Variants in MCM3AP observed in about 807,000 individuals in gnomAD.
The protein encoded by MCM3AP is germinal-center associated nuclear protein.
In MCM3AP, 126 loss-of-function variants were observed where a neutral mutation model predicts 184.1. That is an observed-to-expected ratio of 0.68 (90% CI 0.59 to 0.79). The LOEUF is 0.79. Ranked by LOEUF, MCM3AP falls within the 30% of genes least tolerant of loss-of-function variation. MCM3AP has a pLI of 0.00. For missense variants in MCM3AP, 2,496 were observed against 2,479.2 expected (o/e 1.01, Z -0.14); for synonymous variants, 1,002 against 979.3 (o/e 1.02, Z -0.43).
chr21:46,276,216 C>G (rs1019612654), intron 5 of MCM3AP, among the ~76,000 whole-genome samples: 1 of 151,344 alleles, frequency 6.6e-6, no homozygotes, highest in Non-Finnish European at 1.5e-5. Context: ...TGCGCTCACT[C>G]TGTCATGGTA....
intron 2 of MCM3AP, among the ~76,000 whole-genome samples, chr21:46,281,564 G>A (rs868079780): frequency 7.2e-5 from 11 of 152,160 alleles, no homozygotes; most frequent in African/African-American, 1.2e-4. Context: ...GCTCATGCCC[G>A]TTATCCTAGC....
intron 2 of MCM3AP, among the ~76,000 whole-genome samples, chr21:46,283,264 T>C (rs1002111872): frequency 4.6e-5 from 7 of 152,200 alleles, no homozygotes; most frequent in African/African-American, 1.7e-4. Flanking sequence ...TTTACAGCGA[T>C]CATCTTCTAT....
Position 46,245,152 on chromosome 21 carries a change from G to A in MCM3AP, c.4693C>T (p.Leu1565Phe). The A allele has an allele frequency of 6.2e-7, 1 of 1,614,174 alleles. No individual in the cohort carries two copies. Among genetic ancestry groups the A allele is most frequent in the Non-Finnish European group, 8.5e-7 (1 of 1,180,004 alleles). The change falls in exon 23 of 28, where the codon CTT becomes TTT. Residue 1565 changes from leucine (L) to phenylalanine (F), a missense_variant. This residue lies in a region of MCM3AP where 1,323 missense variants were observed against 1,273.4 expected (regional missense o/e 1.04). Coordinates refer to ENST00000291688, the MANE Select transcript of MCM3AP (RefSeq NM_003906.5). ...ATGAGAGTCTGGCAGCAGAGGTCAA[G>A]GGAATGGGGGCAGTGGGAAACCAGC... Reference protein sequence around the residue: ...QWLVSHCPHSLDLCCQTLIQY... With the variant: ...QWLVSHCPHSFDLCCQTLIQY...
rs1233377553 is a variant in MCM3AP, at chr21:46,259,104, C to T, written c.3582-13G>A. 1 of 1,601,242 alleles carries T rather than the reference C, an allele frequency of 6.2e-7. No homozygotes were observed. On this transcript the variant is annotated splice_polypyrimidine_tract_variant and intron_variant, in intron 15 of 27. Coordinates refer to ENST00000291688, the MANE Select transcript of MCM3AP (RefSeq NM_003906.5). Reference sequence around the variant, plus strand: ...CTCTACTGCATTCCTAGAAACAGGGCAATCAGCATGGAAGACACTGCACTT... The same window carrying T: ...CTCTACTGCATTCCTAGAAACAGGGTAATCAGCATGGAAGACACTGCACTT...
At chr21:46,243,424 T>C in intron 24 of MCM3AP, 41 bp downstream of exon 24, 2 of 1,543,258 alleles carry the variant, frequency 1.3e-6, no homozygotes, top group South Asian at 1.3e-5. Context: ...ACCAGGAAAG[T>C]CTCGTGAGGA....
Position 46,265,390 on chromosome 21 carries a change from G to A in MCM3AP, c.3165C>T (p.Pro1055=), listed in dbSNP as rs2081096990. 2.5e-6 allele frequency: 4 copies of A among 1,614,070 alleles called. No homozygotes were observed. The highest frequency in any genetic ancestry group is 2.7e-5 in the African/African-American group (2 of 75,042). Residue 1055 remains proline (P), a synonymous_variant, in exon 12 of 28, where the codon CCC becomes CCT. Transcript: ENST00000291688. Reference sequence around the variant, plus strand: ...GCTGCACAGACAGCTGGAAGAGGCTGGGCGCCACAGACGGGGTCAGTGCCA... The same window carrying A: ...GCTGCACAGACAGCTGGAAGAGGCTAGGCGCCACAGACGGGGTCAGTGCCA... ...PVLALTPSVA[P]SLFQLSVQPE...
rs772803844 is a variant in MCM3AP at position 46,241,019 on chromosome 21, T to C, written c.5427-2A>G. 7.5e-6 allele frequency: 12 copies of C among 1,602,770 alleles called. No individual in the cohort carries two copies. The highest frequency in any genetic ancestry group is 1.0e-5 in the Non-Finnish European group (12 of 1,171,262). On this transcript the variant is annotated splice_acceptor_variant, in intron 25 of 27. Coordinates refer to ENST00000291688, the MANE Select transcript of MCM3AP (RefSeq NM_003906.5). LOFTEE classifies it high-confidence loss of function. ...GGATGAAAAGGCTTTATTGCCAAAC[T>C]GTAAGTACATGATTTGAAATGTTTA...
At chr21:46,272,505 G>A in intron 8 of MCM3AP, 56 bp downstream of exon 8, 4 of 1,560,408 alleles carry the variant, frequency 2.6e-6, no homozygotes, top group Middle Eastern at 1.7e-4. Context: ...CTCTTCTCCT[G>A]TTTAAAGCCT....
Position 46,258,944 on chromosome 21 carries a change from T to C in MCM3AP, c.3729A>G (p.Leu1243=), listed in dbSNP as rs2080998362. Residue 1243 remains leucine (L), a synonymous_variant, in exon 16 of 28, where the codon CTA becomes CTG. Transcript: ENST00000291688. ...TGTAGGAACACAGGACTCACCGCTG[T>C]AGATACTTGCAGAAGCACTGAAGCT... The part of the protein sequence containing the change: ...LQELQCFCKY[L]QRWREAVTAR... 2 of 1,614,054 alleles carry C rather than the reference T, an allele frequency of 1.2e-6. No homozygotes were observed. The highest frequency in any genetic ancestry group is 1.7e-5 in the Admixed American group (1 of 59,976).
At chr21:46,245,315 T>C in intron 22 of MCM3AP, 118 bp from the exon 23 acceptor site, 4 of 870,054 alleles carry the variant, frequency 4.6e-6, no homozygotes, top group Non-Finnish European at 5.2e-6. Flanking sequence ...TACTGGGCTC[T>C]CAACTGTGGT....
intron 9 of MCM3AP, among the ~76,000 whole-genome samples, chr21:46,269,476 A>G (rs569252291): frequency 6.6e-6 from 1 of 152,314 alleles, no homozygotes; most frequent in Admixed American, 6.5e-5. Flanking sequence ...CCAGAATATC[A>G]GTTCTGTTTG....
rs79811602 is a variant in MCM3AP, at chr21:46,243,004, C to A, written c.5297-73G>T. 0.036 allele frequency: 44,783 copies of A among 1,230,906 alleles called. 1,683 individuals are homozygous for A. The highest frequency in any genetic ancestry group is 0.17 in the African/African-American group (10,665 of 61,150). 76.2% of individuals were successfully genotyped at this position (1,230,906 alleles called of 1,614,324 possible). A position where few individuals can be genotyped will look rare whatever the true frequency, so the allele number is the denominator to read the frequency against. On this transcript the variant is annotated intron_variant, in intron 24 of 27. Transcript: ENST00000291688. ...CTGTCTCAAAAAAAAAAAAAACACA[C>A]ACAAAAAAACAAAAACAGGTACAAA...
intron 20 of MCM3AP, among the ~76,000 whole-genome samples, chr21:46,249,335 A>G (rs1281149514): frequency 6.6e-6 from 1 of 152,132 alleles, no homozygotes; most frequent in Non-Finnish European, 1.5e-5. Flanking sequence ...CTACAGGCAC[A>G]CACCACCATG....
intron 19 of MCM3AP, 46 bp downstream of exon 19, chr21:46,254,346 C>T (rs921346871): frequency 4.3e-6 from 7 of 1,611,170 alleles, no homozygotes; most frequent in Non-Finnish European, 5.9e-6. Context: ...CCCTGCCCTG[C>T]CCACTCCACC....
chr21:46,244,898 G>C lies in MCM3AP; in HGVS notation c.4947C>G (p.His1649Gln), dbSNP rs1338203090. 6.2e-7 allele frequency: 1 copy of C among 1,614,194 alleles called. No homozygotes were observed. Among genetic ancestry groups the C allele is most frequent in the African/African-American group, 1.3e-5 (1 of 75,056 alleles). ...AEAGGSRLLP[H>Q]LHWNAPEHLA... ...GGTGCTCTGGGGCATTCCAGTGCAGGTGAGGAAGCAGCCGGCTGCCCCCTG... is the reference window on the plus strand; with the variant it reads ...GGTGCTCTGGGGCATTCCAGTGCAGCTGAGGAAGCAGCCGGCTGCCCCCTG... The change falls in exon 23 of 28, where the codon CAC becomes CAG. Residue 1649 changes from histidine (H) to glutamine (Q), a missense_variant. His to Gln is a conservative substitution (Grantham distance 24). Around this residue, in one of 5 missense-constraint regions of MCM3AP, gnomAD observed 1,323 missense variants for 1,273.4 expected, o/e 1.04. Transcript: ENST00000291688.
intron 2 of MCM3AP, among the ~76,000 whole-genome samples, chr21:46,281,047 C>A (rs1424897053): frequency 6.6e-6 from 1 of 152,204 alleles, no homozygotes; most frequent in Non-Finnish European, 1.5e-5. Context: ...CTCAGGTGAT[C>A]CGCCCACCTT....
In MCM3AP at chr21:46,254,490, G is replaced by C. The variant is rs369063158; in HGVS notation, c.4038C>G (p.Leu1346=). 5 of 1,614,100 alleles carry C rather than the reference G, an allele frequency of 3.1e-6. No individual in the cohort carries two copies. The East Asian group carries it at 1.1e-4, about 36-fold the overall frequency. Residue 1346 remains leucine (L), a synonymous_variant, in exon 19 of 28, where the codon CTC becomes CTG. Transcript: ENST00000291688. Reference sequence around the variant, plus strand: ...GCCTCCCAGGGAGGTGCTCAGCCACGAGGGATGGCAGGTCCAGAGACGCCC... The same window carrying C: ...GCCTCCCAGGGAGGTGCTCAGCCACCAGGGATGGCAGGTCCAGAGACGCCC... The part of the protein sequence containing the change: ...VAWASLDLPS[L]VAEHLPGRQE...
intron 8 of MCM3AP, among the ~76,000 whole-genome samples, chr21:46,271,326 GTTTTT>G (rs375433728): frequency 7.6e-6 from 1 of 132,178 alleles, no homozygotes; most frequent in African/African-American, 2.8e-5. Flanking sequence ...CCACACCTGG[GTTTTT>G]TTTTTTTTTT....
At chr21:46,264,814 G>A (rs925171952) in intron 12 of MCM3AP, among the ~76,000 whole-genome samples, 1 of 151,912 alleles carries the variant, frequency 6.6e-6, no homozygotes, top group African/African-American at 2.4e-5. Context: ...ATGCCCATCA[G>A]GGGGCACACC....
Sources: gnomAD v4.1 joint callset for allele counts (sites outside exome capture counted in the v4.1 genomes callset) on GRCh38, gnomAD v4.1.1 for gene constraint, gnomAD v4.1.1 regional missense constraint, MANE v1.5 for transcripts, NCBI Gene and HGNC (gene_info 2026-07-23, HGNC 2026-07-21) for gene names.